PPP3R1: variants seen among roughly 807,000 people sequenced by gnomAD.
PPP3R1 encodes calcineurin subunit B type 1.
Under a neutral mutation model 22.6 loss-of-function variants are expected in PPP3R1, and 5 were observed. The ratio of observed to expected loss-of-function variants is 0.22; its 90% CI spans 0.12 to 0.46. The LOEUF is 0.46. PPP3R1 is among the 20% of genes least tolerant of loss of function. PPP3R1 has a pLI of 0.99. For missense variants in PPP3R1, 61 were observed against 203.2 expected, an observed-to-expected ratio of 0.30 and a Z score of 4.25; for synonymous variants, 56 against 65.2, an observed-to-expected ratio of 0.86 and a Z score of 0.68.
At chr2:68,197,880 C>G (rs1052658485) in intron 2 of PPP3R1, among the ~76,000 whole-genome samples, 1 of 151,212 alleles carries the variant, frequency 6.6e-6, no homozygotes, top group Non-Finnish European at 1.5e-5. Context: ...CTTTACCCAT[C>G]CTTGATCATG....
intron 2 of PPP3R1, among the ~76,000 whole-genome samples, chr2:68,191,609 A>C (rs1337077644): frequency 6.6e-6 from 1 of 152,238 alleles, no homozygotes; most frequent in Non-Finnish European, 1.5e-5. Context: ...TTGTTAAGTG[A>C]CACATGACTG....
At chr2:68,189,998 G>T (rs139561233) in intron 2 of PPP3R1, among the ~76,000 whole-genome samples, 9 of 151,912 alleles carry the variant, frequency 5.9e-5, no homozygotes, top group African/African-American at 2.2e-4. Flanking sequence ...ACAAATACAA[G>T]CTGTTTTGAC....
chr2:68,197,378 C>T (rs760232138), intron 2 of PPP3R1, among the ~76,000 whole-genome samples: 1 of 152,178 alleles, frequency 6.6e-6, no homozygotes, highest in African/African-American at 2.4e-5. Context: ...CTTTATACTG[C>T]AGAGCAGTAT....
intron 1 of PPP3R1, among the ~76,000 whole-genome samples, chr2:68,219,334 T>C (rs1453482445): frequency 6.6e-6 from 1 of 152,194 alleles, no homozygotes; most frequent in African/African-American, 2.4e-5. Flanking sequence ...GATAATTTTG[T>C]CAATATGGTC....
intron 2 of PPP3R1, among the ~76,000 whole-genome samples, chr2:68,192,646 C>A (rs1453960520): frequency 1.3e-5 from 2 of 152,080 alleles, no homozygotes; most frequent in Non-Finnish European, 2.9e-5. Flanking sequence ...ACTTGAAAAT[C>A]ATAATCATAA....
At chr2:68,239,177 T>G (rs1670072645) in intron 1 of PPP3R1, among the ~76,000 whole-genome samples, 6 of 152,218 alleles carry the variant, frequency 3.9e-5, no homozygotes, top group Admixed American at 3.9e-4. Flanking sequence ...AGGAAGGATG[T>G]GAACTAAACG....
In PPP3R1 at chr2:68,224,955, A is replaced by G. The variant is rs566755740; in HGVS notation, c.4-7824T>C. Among the ~76,000 whole-genome samples the G allele has an allele frequency of 6.6e-5, 10 of 152,372 alleles. No individual in the cohort carries two copies. In the South Asian group the frequency reaches 2.1e-3, roughly 32 times the overall value. On this transcript the variant is annotated intron_variant, in intron 1 of 5. Coordinates refer to ENST00000234310, the MANE Select transcript of PPP3R1 (RefSeq NM_000945.4). The stretch of plus-strand genomic sequence containing the variant: ...GAAAAGACATTTAATATCACTAGAC[A>G]TTAGAGAAATGCAAGTTAAAACCAA...
chr2:68,227,342 A>C (rs1669802596), intron 1 of PPP3R1, among the ~76,000 whole-genome samples: 1 of 152,076 alleles, frequency 6.6e-6, no homozygotes, highest in Non-Finnish European at 1.5e-5. Flanking sequence ...TTACCTGCTG[A>C]AAGCTTGATG....
chr2:68,195,580 T>C (rs1246700465), intron 2 of PPP3R1, among the ~76,000 whole-genome samples: 1 of 152,188 alleles, frequency 6.6e-6, no homozygotes, highest in Non-Finnish European at 1.5e-5. Flanking sequence ...TCTGACCTAA[T>C]TTTGGCATCC....
chr2:68,212,340 G>A (rs1047432442), intron 2 of PPP3R1, among the ~76,000 whole-genome samples: 2 of 152,092 alleles, frequency 1.3e-5, no homozygotes, highest in South Asian at 2.1e-4. Context: ...CTTGGCCTCC[G>A]AAAGTGCTAG....
intron 2 of PPP3R1, among the ~76,000 whole-genome samples, chr2:68,194,179 G>A (rs1674722091): frequency 6.6e-6 from 1 of 151,954 alleles, no homozygotes; most frequent in Admixed American, 6.6e-5. Flanking sequence ...ATTTAAGCAA[G>A]GTGGCAAAAA....
chr2:68,187,493 T>C (rs1674569799), intron 3 of PPP3R1, among the ~76,000 whole-genome samples, 179 bp from the exon 4 acceptor site: 1 of 152,036 alleles, frequency 6.6e-6, no homozygotes, highest in Non-Finnish European at 1.5e-5. Flanking sequence ...CTCTCTGTAT[T>C]TTTTTTATTT....
chr2:68,179,507 T>A lies in PPP3R1; in HGVS notation c.*1456A>T, dbSNP rs1674358828. 6.6e-6 allele frequency: 1 copy of A among 152,340 alleles called. No homozygotes were observed. Among genetic ancestry groups the A allele is most frequent in the Non-Finnish European group, 1.5e-5 (1 of 68,046 alleles). The allele number at this position is 152,340 out of a possible 1,614,324, so 9.4% of individuals were successfully genotyped here. A position where few individuals can be genotyped will look rare whatever the true frequency, so the allele number is the denominator to read the frequency against. On this transcript the variant is annotated 3_prime_UTR_variant, in exon 6 of 6. Coordinates refer to ENST00000234310, the MANE Select transcript of PPP3R1 (RefSeq NM_000945.4). ...CAGGCAGGTGTGCTCAATTTCAGAT[T>A]GATTCACCTTGATTCAACCTGCCCT...
At position 68,220,964 on chromosome 2, in the gene PPP3R1, T is replaced by C. The variant is rs531371537; in HGVS notation, c.4-3833A>G. On this transcript the variant is annotated intron_variant, in intron 1 of 5. Coordinates refer to ENST00000234310, the MANE Select transcript of PPP3R1 (RefSeq NM_000945.4). The stretch of plus-strand genomic sequence containing the variant: ...TTAGGGTGATGAAAATATTTTCGAA[T>C]GACATAGAGGTGGTGGTTGTACTAC... 4.6e-5 allele frequency among the ~76,000 whole-genome samples: 7 copies of C among 152,180 alleles called. No individual in the cohort carries two copies. In the East Asian group the frequency reaches 1.2e-3, roughly 25 times the overall value.
chr2:68,211,267 C>T (rs372375184), intron 2 of PPP3R1, among the ~76,000 whole-genome samples: 11 of 149,808 alleles, frequency 7.3e-5, no homozygotes, highest in African/African-American at 2.8e-4. Context: ...ATTAGCCCGG[C>T]GTGGTGGCGG....
chr2:68,188,419 G>T, intron 3 of PPP3R1, 95 bp downstream of exon 3: 1 of 1,031,232 alleles, frequency 9.7e-7, no homozygotes, highest in Non-Finnish European at 1.4e-6. Flanking sequence ...AAGGTCACTA[G>T]GAATATAAGC....
intron 1 of PPP3R1, among the ~76,000 whole-genome samples, chr2:68,234,665 G>T (rs1426791212): frequency 1.3e-5 from 2 of 152,162 alleles, no homozygotes; most frequent in Admixed American, 1.3e-4. Flanking sequence ...GACAGCTGAG[G>T]AGTAAAATGG....
chr2:68,189,462 A>C (rs1674616164), intron 2 of PPP3R1, among the ~76,000 whole-genome samples: 1 of 152,260 alleles, frequency 6.6e-6, no homozygotes, highest in Admixed American at 6.5e-5. Context: ...AACAGGTTTA[A>C]GCTATTTTCT....
chr2:68,198,342 C>T (rs1284347067), intron 2 of PPP3R1, among the ~76,000 whole-genome samples: 1 of 109,898 alleles, frequency 9.1e-6, no homozygotes, highest in South Asian at 3.4e-4. Context: ...CATATATGTA[C>T]ATGTATATGC....
Sources: allele counts gnomAD v4.1 joint callset (sites outside exome capture counted in the v4.1 genomes callset), GRCh38; gene constraint gnomAD v4.1.1; transcripts MANE v1.5; gene names NCBI Gene and HGNC (gene_info 2026-07-23, HGNC 2026-07-21).